PRCP: variants seen among roughly 807,000 people sequenced by gnomAD.
PRCP encodes the protein lysosomal Pro-X carboxypeptidase.
PRCP carries 46 observed loss-of-function variants against 54.2 expected under a neutral mutation model. That is an observed-to-expected ratio of 0.85 (90% CI 0.67 to 1.09). The LOEUF is 1.09. Ranked by LOEUF, PRCP falls within the 50% of genes least tolerant of loss-of-function variation. PRCP has a pLI of 0.00. For missense variants in PRCP, 613 were observed against 596.8 expected (o/e 1.03, Z -0.28); for synonymous variants, 240 against 212.2 (o/e 1.13, Z -1.14).
intron 1 of PRCP, among the ~76,000 whole-genome samples, chr11:82,877,904 T>C (rs536079290): frequency 3.9e-4 from 60 of 152,232 alleles, no homozygotes; most frequent in Admixed American, 2.6e-4. Flanking sequence ...ACCGTGAGCC[T>C]GGAAAAGCCA....
rs1858903858 is a variant in PRCP, at chr11:82,849,911, T to C, written c.751+3A>G. ...CAATTCCATTCTCTTAATTAAAGCTTACCAGTATTTGAGAGTCGATTAATG... is the reference window on the plus strand; with the variant it reads ...CAATTCCATTCTCTTAATTAAAGCTCACCAGTATTTGAGAGTCGATTAATG... On this transcript the variant is annotated splice_donor_region_variant and intron_variant, in intron 5 of 8. Coordinates refer to ENST00000313010, the MANE Select transcript of PRCP (RefSeq NM_005040.4). 5.5e-6 allele frequency: 8 copies of C among 1,466,162 alleles called. No individual in the cohort carries two copies. The highest frequency in any genetic ancestry group is 6.3e-6 in the Non-Finnish European group (7 of 1,105,540). 90.8% of individuals were successfully genotyped at this position (1,466,162 alleles called of 1,614,324 possible). A position where few individuals can be genotyped will look rare whatever the true frequency, so the allele number is the denominator to read the frequency against.
chr11:82,833,026 C>T (rs749306068), intron 8 of PRCP, among the ~76,000 whole-genome samples: 3 of 152,230 alleles, frequency 2.0e-5, no homozygotes, highest in Admixed American at 6.5e-5. Flanking sequence ...GATAAACCAG[C>T]ATCTTTACAC....
intron 8 of PRCP, among the ~76,000 whole-genome samples, chr11:82,834,892 T>A (rs1032871798): frequency 3.9e-5 from 6 of 152,158 alleles, no homozygotes; most frequent in Non-Finnish European, 5.9e-5. Flanking sequence ...CTGGCCAGCG[T>A]GGTGAAACCC....
rs755492275 is a variant in PRCP, at chr11:82,899,260, C to A, written c.168+975G>T. On this transcript the variant is annotated intron_variant, in intron 1 of 8. Transcript: ENST00000313010. Reference sequence around the variant, plus strand: ...ATATTATATGAGTGCCTACTTGAAGCCAGATACTCTGCTAAGAGTACGTTA... The same window carrying A: ...ATATTATATGAGTGCCTACTTGAAGACAGATACTCTGCTAAGAGTACGTTA... Among the ~76,000 whole-genome samples the A allele has an allele frequency of 2.6e-5, 4 of 152,168 alleles. No individual in the cohort carries two copies. The East Asian group carries it at 7.7e-4, about 29-fold the overall frequency.
chr11:82,841,053 A>T (rs1591041803), intron 6 of PRCP, among the ~76,000 whole-genome samples: 1 of 137,882 alleles, frequency 7.3e-6, no homozygotes, highest in Non-Finnish European at 1.5e-5. Context: ...TTATATATAT[A>T]ATAGACTAGT....
intron 1 of PRCP, among the ~76,000 whole-genome samples, chr11:82,898,424 G>A (rs2121291070): frequency 1.3e-5 from 2 of 152,302 alleles, no homozygotes; most frequent in East Asian, 3.9e-4. Context: ...CTTTTCTGCT[G>A]ATAGTTCTCT....
intron 8 of PRCP, among the ~76,000 whole-genome samples, chr11:82,832,959 A>G (rs1858423934): frequency 6.6e-6 from 1 of 152,172 alleles, no homozygotes; most frequent in Non-Finnish European, 1.5e-5. Context: ...TATTTCTCAT[A>G]CCTACCAAAC....
chr11:82,893,233 A>C (rs538817564), intron 1 of PRCP, among the ~76,000 whole-genome samples: 7 of 152,352 alleles, frequency 4.6e-5, no homozygotes, highest in Non-Finnish European at 1.0e-4. Context: ...TCAGCCACTT[A>C]GTCTCTGAGT....
In PRCP at chr11:82,838,428, A is replaced by G. The variant is rs763837524; in HGVS notation, c.1233T>C (p.Tyr411=). 6.2e-7 allele frequency: 1 copy of G among 1,613,634 alleles called. No individual in the cohort carries two copies. The highest frequency in any genetic ancestry group is 8.5e-7 in the Non-Finnish European group (1 of 1,179,812). The change falls in exon 8 of 9, where the codon TAT becomes TAC. Residue 411 remains tyrosine, a synonymous_variant. Transcript: ENST00000313010. ...TGTGTGAACTAATGTTTTTGCCTCC[A>G]TACATAGTAGTGATCCAGGAGGGCC... ...RPRPSWITTM[Y]GGKNISSHTN...
At chr11:82,882,476 G>A (rs545750007) in intron 1 of PRCP, among the ~76,000 whole-genome samples, 1 of 151,550 alleles carries the variant, frequency 6.6e-6, no homozygotes, top group Admixed American at 6.6e-5. Context: ...GAGGACCAAA[G>A]CTGATACTGA....
intron 1 of PRCP, among the ~76,000 whole-genome samples, chr11:82,864,399 A>G (rs1859282570): frequency 6.6e-6 from 1 of 152,230 alleles, no homozygotes; most frequent in Non-Finnish European, 1.5e-5. Flanking sequence ...GCTGTTGAGA[A>G]GTGGGACCCA....
intron 8 of PRCP, among the ~76,000 whole-genome samples, chr11:82,832,434 T>C (rs1170094070): frequency 1.3e-5 from 2 of 152,242 alleles, no homozygotes. Context: ...TGGTTTTGAG[T>C]TGCATTTCTC....
At chr11:82,859,594 G>A (rs1222110600) in intron 2 of PRCP, among the ~76,000 whole-genome samples, 1 of 151,906 alleles carries the variant, frequency 6.6e-6, no homozygotes, top group Non-Finnish European at 1.5e-5. Context: ...AACAAGCTGA[G>A]ATTTTATAAA....
chr11:82,891,053 T>C (rs990355680), intron 1 of PRCP, among the ~76,000 whole-genome samples: 74 of 152,208 alleles, frequency 4.9e-4, no homozygotes, highest in African/African-American at 1.8e-3. Context: ...CAGCTTCAAA[T>C]TTGTATTACT....
upstream of PRCP, chr11:82,900,833 ACCT>A (rs1410323572): frequency 2.2e-6 from 1 of 460,594 alleles, no homozygotes; most frequent in Non-Finnish European, 4.3e-6. Context: ...CCATTGCGAC[ACCT>A]CCTGCCTTCC....
chr11:82,855,077 C>T (rs1206866351), intron 2 of PRCP, among the ~76,000 whole-genome samples: 3 of 151,990 alleles, frequency 2.0e-5, no homozygotes, highest in African/African-American at 7.2e-5. Flanking sequence ...GCCCAAAAAC[C>T]CCAGAAGAAA....
intron 1 of PRCP, among the ~76,000 whole-genome samples, chr11:82,872,983 G>T (rs1859514168): frequency 6.6e-6 from 1 of 151,960 alleles, no homozygotes; most frequent in Non-Finnish European, 1.5e-5. Flanking sequence ...GAGGCTTAGC[G>T]CTAAGTGGGC....
chr11:82,877,525 G>T (rs1404859364), intron 1 of PRCP, among the ~76,000 whole-genome samples: 2 of 152,192 alleles, frequency 1.3e-5, no homozygotes, highest in Non-Finnish European at 2.9e-5. Flanking sequence ...GGTGCCCTGT[G>T]TCCTAGCCAC....
At chr11:82,889,492 C>T (rs1453851899) in intron 1 of PRCP, among the ~76,000 whole-genome samples, 3 of 151,562 alleles carry the variant, frequency 2.0e-5, no homozygotes, top group Non-Finnish European at 4.4e-5. Context: ...AGGATGACAG[C>T]TCCTGGAGGA....
Sources: gnomAD v4.1 joint callset for allele counts (sites outside exome capture counted in the v4.1 genomes callset) on GRCh38, gnomAD v4.1.1 for gene constraint, MANE v1.5 for transcripts, NCBI Gene and HGNC (gene_info 2026-07-23, HGNC 2026-07-21) for gene names.